Variants in CLPB observed in about 807,000 individuals in gnomAD.
The protein encoded by CLPB is mitochondrial disaggregase.
CLPB carries 40 observed loss-of-function variants against 78.4 expected under a neutral mutation model. The ratio of observed to expected loss-of-function variants is 0.51; its 90% CI spans 0.40 to 0.66. The LOEUF (loss-of-function observed/expected upper bound fraction) is 0.66, where lower values mean the gene tolerates loss of function less well. CLPB is among the 30% of genes least tolerant of loss of function. The pLI is 0.00. For synonymous variants in CLPB, 333 were observed against 348.0 expected, an observed-to-expected ratio of 0.96 and a Z score of 0.48; for missense variants, 780 against 886.9, an observed-to-expected ratio of 0.88 and a Z score of 1.53.
At position 72,290,568 on chromosome 11, in the gene CLPB, T is replaced by C. The variant is rs1313530708; in HGVS notation, c.*2799A>G. 3 of 152,112 alleles carry C rather than the reference T, an allele frequency of 2.0e-5. No individual in the cohort carries two copies. The highest frequency in any genetic ancestry group is 4.4e-5 in the Non-Finnish European group (3 of 68,018). 9.4% of individuals were successfully genotyped at this position (152,112 alleles called of 1,614,324 possible). The stretch of plus-strand genomic sequence containing the variant: ...ATTCACATAGCTTCAAAGTGGAAGA[T>C]TCTTGTTAATTTCAAAGGGAAAATT... On this transcript the variant is annotated 3_prime_UTR_variant, in exon 16 of 16. Coordinates refer to ENST00000538039, the MANE Select transcript of CLPB (RefSeq NM_001258392.3).
At chr11:72,424,595 T>TA (rs907998774) in intron 2 of CLPB, among the ~76,000 whole-genome samples, 29 of 138,864 alleles carry the variant, frequency 2.1e-4, no homozygotes, top group Non-Finnish European at 2.7e-4. Flanking sequence ...CATTTCTACT[T>TA]AAAAAAAAAA....
intron 3 of CLPB, among the ~76,000 whole-genome samples, chr11:72,381,041 T>C (rs187527934): frequency 3.2e-4 from 48 of 152,270 alleles, no homozygotes; most frequent in Admixed American, 5.9e-4. Flanking sequence ...AACATCAATT[T>C]GAACAATTAT....
intron 5 of CLPB, among the ~76,000 whole-genome samples, chr11:72,339,515 C>T (rs192422792): frequency 5.4e-4 from 83 of 152,312 alleles, no homozygotes; most frequent in Non-Finnish European, 8.4e-4. Context: ...CAACTGAGTT[C>T]TCCAGCACTG....
intron 2 of CLPB, among the ~76,000 whole-genome samples, chr11:72,421,414 C>T (rs900070565): frequency 5.3e-5 from 8 of 152,180 alleles, no homozygotes; most frequent in Admixed American, 1.3e-4. Context: ...TCATCAGAGC[C>T]GTATCACTGG....
intron 6 of CLPB, among the ~76,000 whole-genome samples, chr11:72,329,176 G>T (rs1257400163): frequency 6.6e-6 from 1 of 152,158 alleles, no homozygotes; most frequent in African/African-American, 2.4e-5. Flanking sequence ...TCAAAAGTTT[G>T]GTTGGGAAAA....
rs969229805 is a variant in CLPB at position 72,289,593 on chromosome 11, C to T, written c.*3774G>A. ...TTTATTTATTTTTAAAAATATGAAA[C>T]GGAGTCTTGCTCTGTCACTCAGGCT... is the stretch of plus-strand genomic sequence containing the variant. On this transcript the variant is annotated 3_prime_UTR_variant, in exon 16 of 16. Coordinates refer to ENST00000538039, the MANE Select transcript of CLPB (RefSeq NM_001258392.3). 8 of 152,080 alleles carry T rather than the reference C, an allele frequency of 5.3e-5. No homozygotes were observed. The highest frequency in any genetic ancestry group is 7.3e-5 in the Non-Finnish European group (5 of 68,028). 9.4% of individuals were successfully genotyped at this position (152,080 alleles called of 1,614,324 possible). A position where few individuals can be genotyped will look rare whatever the true frequency, so the allele number is the denominator to read the frequency against.
rs1198009310 is a variant in CLPB, at chr11:72,293,000, C to G, written c.*367G>C. On this transcript the variant is annotated 3_prime_UTR_variant, in exon 16 of 16. Transcript: ENST00000538039. ...CTGTCTTCTTCCAGCCAGCTGTGTT[C>G]TTAGCTGCCATACTTCTGAGCTTCC... The G allele has an allele frequency of 4.8e-6, 1 of 207,422 alleles. No individual in the cohort carries two copies. The highest frequency in any genetic ancestry group is 2.3e-5 in the African/African-American group (1 of 44,214). The allele number at this position is 207,422 out of a possible 1,614,324, so 12.8% of individuals were successfully genotyped here. A position where few individuals can be genotyped will look rare whatever the true frequency, so the allele number is the denominator to read the frequency against.
chr11:72,341,872 A>C (rs1359557428), intron 5 of CLPB, among the ~76,000 whole-genome samples: 1 of 152,240 alleles, frequency 6.6e-6, no homozygotes, highest in Non-Finnish European at 1.5e-5. Flanking sequence ...TTAAAGCAGG[A>C]AAGTGACATG....
chr11:72,429,106 T>C (rs1475278872), intron 2 of CLPB: 1 of 152,188 alleles, frequency 6.6e-6, no homozygotes, highest in Non-Finnish European at 1.5e-5. Flanking sequence ...CACATCTGTT[T>C]CTGGAGGAAT....
Position 72,289,536 on chromosome 11 carries a change from A to G in CLPB, c.*3831T>C, listed in dbSNP as rs1258681771. Reference sequence around the variant, plus strand: ...AAATGGCAGTCGCAAACCCTATGGTATTGAATTAAAACCGTATCTAAACTC... The same window carrying G: ...AAATGGCAGTCGCAAACCCTATGGTGTTGAATTAAAACCGTATCTAAACTC... On this transcript the variant is annotated 3_prime_UTR_variant, in exon 16 of 16. Transcript: ENST00000538039. 6.6e-6 allele frequency: 1 copy of G among 152,178 alleles called. No individual in the cohort carries two copies. The highest frequency in any genetic ancestry group is 6.5e-5 in the Admixed American group (1 of 15,274). 9.4% of individuals were successfully genotyped at this position (152,178 alleles called of 1,614,324 possible).
chr11:72,432,557 A>G (rs1856576843), intron 1 of CLPB, among the ~76,000 whole-genome samples: 1 of 152,098 alleles, frequency 6.6e-6, no homozygotes, highest in African/African-American at 2.4e-5. Flanking sequence ...TGTCCCCTTG[A>G]CTGATTTTGT....
chr11:72,340,806 T>A (rs1950406472), intron 5 of CLPB, among the ~76,000 whole-genome samples: 3 of 152,326 alleles, frequency 2.0e-5, no homozygotes, highest in Non-Finnish European at 4.4e-5. Context: ...TGCCCTTGTT[T>A]ATGCATATGG....
chr11:72,416,463 C>T (rs1447028946), intron 2 of CLPB, among the ~76,000 whole-genome samples: 3 of 152,010 alleles, frequency 2.0e-5, no homozygotes, highest in Non-Finnish European at 2.9e-5. Flanking sequence ...TGGCTGGGTG[C>T]GGTGGCTCAC....
chr11:72,432,358 C>A (rs1856571096), intron 1 of CLPB, among the ~76,000 whole-genome samples: 1 of 152,172 alleles, frequency 6.6e-6, no homozygotes, highest in South Asian at 2.1e-4. Flanking sequence ...AGATACATTT[C>A]CTGCTCTCAT....
intron 4 of CLPB, among the ~76,000 whole-genome samples, chr11:72,364,886 T>C (rs1428004102): frequency 1.3e-5 from 2 of 152,128 alleles, no homozygotes; most frequent in Admixed American, 6.5e-5. Context: ...ATCACCTATC[T>C]CACAAGAGTC....
In CLPB at chr11:72,312,405, T is replaced by C. The variant is rs569996289; in HGVS notation, c.989-3801A>G. The stretch of plus-strand genomic sequence containing the variant: ...TACCGAGGCTCAGAGACGGGCAGTG[T>C]AAGGTGTTTCATCTACCTGTGCCCT... On this transcript the variant is annotated intron_variant, in intron 7 of 15. Transcript: ENST00000538039. This position sits in a 1 kb window ranked among gnomAD's most constrained non-coding sequence, Gnocchi z 4.2. Among the ~76,000 whole-genome samples, 4 of 152,252 alleles carry C rather than the reference T, an allele frequency of 2.6e-5. No homozygotes were observed. The highest frequency in any genetic ancestry group is 9.6e-5 in the African/African-American group (4 of 41,546).
At chr11:72,297,624 TTTTGGGGAC>T (rs1949573340) in intron 11 of CLPB, among the ~76,000 whole-genome samples, 1 of 142,292 alleles carries the variant, frequency 7.0e-6, no homozygotes, top group South Asian at 2.2e-4. Context: ...GCAGTTCTAG[TTTTGGGGAC>T]CAGGTGTGTG....
At chr11:72,309,353 C>G (rs1031147658) in intron 7 of CLPB, among the ~76,000 whole-genome samples, 1 of 152,110 alleles carries the variant, frequency 6.6e-6, no homozygotes, top group Admixed American at 6.5e-5. Flanking sequence ...GCTATGCATT[C>G]AATCTGAGAA....
chr11:72,430,468 C>A, intron 1 of CLPB, 105 bp from the exon 2 acceptor site: 1 of 886,768 alleles, frequency 1.1e-6, no homozygotes, highest in Non-Finnish European at 1.7e-6. Context: ...GAAACGTGGA[C>A]TTTGACAAGC....
Sources: allele counts gnomAD v4.1 joint callset (sites outside exome capture counted in the v4.1 genomes callset), GRCh38; gene constraint gnomAD v4.1.1; non-coding constraint Gnocchi (gnomAD v3.1); transcripts MANE v1.5; gene names NCBI Gene and HGNC (gene_info 2026-07-23, HGNC 2026-07-21).